Variants in CAMSAP3 observed in about 807,000 individuals in gnomAD.
CAMSAP3 encodes calmodulin regulated spectrin associated protein family member 3, also known as calmodulin-regulated spectrin-associated protein 3.
In CAMSAP3, 34 loss-of-function variants were observed where a neutral mutation model predicts 112.5. That is an observed-to-expected ratio of 0.30 (90% confidence interval 0.23 to 0.40). The LOEUF is 0.40. Among genes scored for constraint, CAMSAP3 ranks in the 10% least tolerant of loss-of-function variants. The pLI is 1.00. For missense variants in CAMSAP3, 1,602 were observed against 1,770.3 expected, an observed-to-expected ratio of 0.90 and a Z score of 1.71; for synonymous variants, 868 against 799.8, an observed-to-expected ratio of 1.09 and a Z score of -1.44.
intron 1 of CAMSAP3, among the ~76,000 whole-genome samples, chr19:7,599,709 C>T (rs2029867486): frequency 2.2e-5 from 2 of 91,942 alleles, no homozygotes; most frequent in African/African-American, 4.4e-5. Flanking sequence ...CACTCATCCA[C>T]CCACACACTC....
Position 7,610,981 on chromosome 19 carries a change from C to T in CAMSAP3, c.1049+50C>T. 6.3e-7 allele frequency: 1 copy of T among 1,576,032 alleles called. No homozygotes were observed. The highest frequency in any genetic ancestry group is 8.7e-7 in the Non-Finnish European group (1 of 1,155,086). On this transcript the variant is annotated intron_variant, in intron 8 of 16. Transcript: ENST00000160298. The surrounding 1 kb of genome is among the most constrained non-coding windows in gnomAD (Gnocchi z 4.9). ...CTCTGGCATTGTGGGTGTGGGGCTC[C>T]ATGTCTGCCTTGCTGAGCACTGGGA...
chr19:7,617,309 T>C lies in CAMSAP3; in HGVS notation c.3213-17T>C. 6.3e-7 allele frequency: 1 copy of C among 1,587,264 alleles called. No individual in the cohort carries two copies. Among genetic ancestry groups the C allele is most frequent in the South Asian group, 1.1e-5 (1 of 90,572 alleles). On this transcript the variant is annotated splice_polypyrimidine_tract_variant and intron_variant, in intron 14 of 16. Transcript: ENST00000160298. The surrounding 1 kb of genome is among the most constrained non-coding windows in gnomAD (Gnocchi z 7.5). ...CCATCCTGACCCCACCTCCATCCCATCCTTCTCCCACTGCAGGGCTCCCTC... is the reference window on the plus strand; with the variant it reads ...CCATCCTGACCCCACCTCCATCCCACCCTTCTCCCACTGCAGGGCTCCCTC...
intron 13 of CAMSAP3, chr19:7,616,309 T>C: frequency 1.9e-6 from 1 of 530,264 alleles, no homozygotes; most frequent in Non-Finnish European, 3.4e-6. Flanking sequence ...GGGTGAGGCG[T>C]TGCCAGTAGG....
intron 14 of CAMSAP3, 127 bp downstream of exon 14, chr19:7,616,749 T>G (rs2030812891): frequency 1.5e-6 from 1 of 679,362 alleles, no homozygotes; most frequent in Admixed American, 2.2e-5. Context: ...CATGAAGAGA[T>G]GGAGGGACGC....
Position 7,607,888 on chromosome 19 carries a change from G to T in CAMSAP3, c.622-238G>T, listed in dbSNP as rs560813675. 124 of 993,648 alleles carry T rather than the reference G, an allele frequency of 1.2e-4. 1 individual carries two copies. The East Asian group carries it at 3.0e-3, about 24-fold the overall frequency. 61.6% of individuals were successfully genotyped at this position (993,648 alleles called of 1,614,324 possible). On this transcript the variant is annotated intron_variant, in intron 4 of 16. Coordinates refer to ENST00000160298, the MANE Select transcript of CAMSAP3 (RefSeq NM_020902.2). The surrounding 1 kb of genome is among the most constrained non-coding windows in gnomAD (Gnocchi z 4.9). ...CCCATGGTAATGTATCCCCCGCCCC[G>T]GGGTCCCAGGAGTCCCTGTCCCCAG...
Position 7,610,403 on chromosome 19 carries a change from C to A in CAMSAP3, c.761-73C>A. ...GAGGTCTTCCGTGTGTGGGGGACTG[C>A]TGGTCCCTGGCTTCCCTGGGGCCCC... On this transcript the variant is annotated intron_variant, in intron 5 of 16. Transcript: ENST00000160298. The surrounding 1 kb of genome is among the most constrained non-coding windows in gnomAD (Gnocchi z 4.9). 7.0e-7 allele frequency: 1 copy of A among 1,423,572 alleles called. No individual in the cohort carries two copies. The highest frequency in any genetic ancestry group is 9.6e-7 in the Non-Finnish European group (1 of 1,041,592). 88.2% of individuals were successfully genotyped at this position (1,423,572 alleles called of 1,614,324 possible).
rs2030873296 is a variant in CAMSAP3, at chr19:7,617,516, A to AC, written c.3326-22dup. Reference sequence around the variant, plus strand: ...CCCCTGCTCATTCCTGCTGCCCCCCACCCCCTCCCACTGCCTCACCCTCTA... The same window carrying AC: ...CCCCTGCTCATTCCTGCTGCCCCCCACCCCCCTCCCACTGCCTCACCCTCTA... On this transcript the variant is annotated intron_variant, in intron 15 of 16. Transcript: ENST00000160298. The surrounding 1 kb of genome is among the most constrained non-coding windows in gnomAD (Gnocchi z 7.5). 2.2e-6 allele frequency: 3 copies of AC among 1,380,718 alleles called. No homozygotes were observed. The highest frequency in any genetic ancestry group is 3.1e-6 in the Non-Finnish European group (3 of 973,432). The allele number at this position is 1,380,718 out of a possible 1,614,324, so 85.5% of individuals were successfully genotyped here.
rs551166939 is a variant in CAMSAP3, at chr19:7,612,143, G to A, written c.1650G>A (p.Ala550=). The part of the protein sequence containing the change: ...PPAPSEGSPK[A]VASSPAATNS... ...CCCCATCCGAGGGGTCCCCGAAGGC[G>A]GTGGCTTCGTCCCCAGCAGCCACCA... Residue 550 remains alanine, a synonymous_variant, in exon 11 of 17, where the codon GCG becomes GCA. Transcript: ENST00000160298. The A allele has an allele frequency of 1.9e-6, 3 of 1,612,474 alleles. No individual in the cohort carries two copies. Among genetic ancestry groups the A allele is most frequent in the South Asian group, 1.1e-5 (1 of 91,042 alleles).
At position 7,606,558 on chromosome 19, in the gene CAMSAP3, C is replaced by T. The variant is rs771077955; in HGVS notation, c.608C>T (p.Pro203Leu). The change falls in exon 4 of 17, where the codon CCG becomes CTG. Residue 203 changes from proline (P) to leucine (L), a missense_variant. Around this residue, in one of 6 missense-constraint regions of CAMSAP3, gnomAD observed 112 missense variants for 94.2 expected, o/e 1.19. Coordinates refer to ENST00000160298, the MANE Select transcript of CAMSAP3 (RefSeq NM_020902.2). ...SPAAPADGAA[P>L]AQPSIRYRKD... Reference sequence around the variant, plus strand: ...GCAGCCCCTGCAGACGGGGCGGCCCCGGCGCAGCCCTCGGTGAGGCCAGGG... The same window carrying T: ...GCAGCCCCTGCAGACGGGGCGGCCCTGGCGCAGCCCTCGGTGAGGCCAGGG... The T allele has an allele frequency of 6.5e-7, 1 of 1,535,818 alleles. No individual in the cohort carries two copies. The highest frequency in any genetic ancestry group is 8.7e-7 in the Non-Finnish European group (1 of 1,147,018).
rs1406007030 is a variant in CAMSAP3, at chr19:7,615,799, AG to A, written c.3112+85del. On this transcript the variant is annotated intron_variant, in intron 13 of 16. Coordinates refer to ENST00000160298, the MANE Select transcript of CAMSAP3 (RefSeq NM_020902.2). This position sits in a 1 kb window ranked among gnomAD's most constrained non-coding sequence, Gnocchi z 6.5. The stretch of plus-strand genomic sequence containing the variant: ...GTGAGGCCCCCATGGGTAAGGGGGG[AG>A]GGGGAGGGAGATGTAAGCAGGGGTG... The A allele has an allele frequency of 1.3e-4, 17 of 126,504 alleles. No individual in the cohort carries two copies. The highest frequency in any genetic ancestry group is 3.7e-4 in the Admixed American group (1 of 2,702). The allele number at this position is 126,504 out of a possible 1,614,324, so 7.8% of individuals were successfully genotyped here.
rs1173068955 is a variant in CAMSAP3, at chr19:7,614,259, C to CAAAAAAAAAAAAAAAA, written c.2671-915_2671-900dup. On this transcript the variant is annotated intron_variant, in intron 11 of 16. Transcript: ENST00000160298. Reference sequence around the variant, plus strand: ...TGGGCAACAGAGCGAGACTCCATCTCAAAAAAAAAAAAAAAAAAAAAAAAG... The same window carrying CAAAAAAAAAAAAAAAA: ...TGGGCAACAGAGCGAGACTCCATCTCAAAAAAAAAAAAAAAAAAAAAAAAAAAAAAAAAAAAAAAAG... 5.5e-3 allele frequency among the ~76,000 whole-genome samples: 104 copies of CAAAAAAAAAAAAAAAA among 18,774 alleles called. 11 individuals are homozygous for CAAAAAAAAAAAAAAAA. The highest frequency in any genetic ancestry group is 7.2e-3 in the Non-Finnish European group (82 of 11,348). The allele number at this position is 18,774 out of a possible 152,430, so 12.3% of individuals were successfully genotyped here.
rs773808921 is a variant in CAMSAP3, at chr19:7,607,910, C to G, written c.622-216C>G. 1.2e-6 allele frequency: 1 copy of G among 829,770 alleles called. No individual in the cohort carries two copies. The highest frequency in any genetic ancestry group is 2.0e-6 in the Non-Finnish European group (1 of 492,486). The allele number at this position is 829,770 out of a possible 1,614,324, so 51.4% of individuals were successfully genotyped here. A position where few individuals can be genotyped will look rare whatever the true frequency, so the allele number is the denominator to read the frequency against. ...CCCGGGGTCCCAGGAGTCCCTGTCC[C>G]CAGCCCCCGCTGCTGGCCTGGCTGC... On this transcript the variant is annotated intron_variant, in intron 4 of 16. Coordinates refer to ENST00000160298, the MANE Select transcript of CAMSAP3 (RefSeq NM_020902.2). This position sits in a 1 kb window ranked among gnomAD's most constrained non-coding sequence, Gnocchi z 4.9.
chr19:7,611,894 C>A lies in CAMSAP3; in HGVS notation c.1401C>A (p.His467Gln), dbSNP rs777584314. Residue 467 changes from histidine (H) to glutamine (Q), a missense_variant, in exon 11 of 17, where the codon CAC becomes CAA. By Grantham distance (24) the His-to-Gln change is conservative. This residue lies in a region of CAMSAP3 where 1,100 missense variants were observed against 1,135.7 expected (regional missense o/e 0.97). Transcript: ENST00000160298. This position sits in a 1 kb window ranked among gnomAD's most constrained non-coding sequence, Gnocchi z 6.9. ...TCGAGGAAGCTCTGCAGATCATCCACAGTGCCGAGCCCCGGCTCCTCCCAG... is the reference window on the plus strand; with the variant it reads ...TCGAGGAAGCTCTGCAGATCATCCAAAGTGCCGAGCCCCGGCTCCTCCCAG... The part of the protein sequence containing the change: ...PTIEEALQII[H>Q]SAEPRLLPDG... 1 of 1,573,112 alleles carries A rather than the reference C, an allele frequency of 6.4e-7. No individual in the cohort carries two copies. The highest frequency in any genetic ancestry group is 2.3e-5 in the East Asian group (1 of 44,358).
Position 7,612,637 on chromosome 19 carries a change from G to T in CAMSAP3, c.2144G>T (p.Arg715Leu), listed in dbSNP as rs1202134383. ...AGTGCCGCCTTGAGCTCGCTGCAGC[G>T]GGACATGCAGAGGCTCACGGACCAG... ...KLSAALSSLQ[R>L]DMQRLTDQQQ... The change falls in exon 11 of 17, where the codon CGG (arginine) becomes CTG (leucine). Residue 715 changes from arginine (R) to leucine (L), a missense_variant. By Grantham distance (102) the Arg-to-Leu change is moderately radical. Coordinates refer to ENST00000160298, the MANE Select transcript of CAMSAP3 (RefSeq NM_020902.2). 1 of 1,520,024 alleles carries T rather than the reference G, an allele frequency of 6.6e-7. No individual in the cohort carries two copies. Among genetic ancestry groups the T allele is most frequent in the Non-Finnish European group, 8.8e-7 (1 of 1,135,354 alleles). 94.2% of individuals were successfully genotyped at this position (1,520,024 alleles called of 1,614,324 possible).
rs2030426837 is a variant in CAMSAP3 at position 7,610,591 on chromosome 19, G to A, written c.876G>A (p.Leu292=). Residue 292 remains leucine (L), a synonymous_variant, in exon 6 of 17, where the codon TTG becomes TTA. Transcript: ENST00000160298. This position sits in a 1 kb window ranked among gnomAD's most constrained non-coding sequence, Gnocchi z 4.9. ...PRGCPLSLED[L]LYVPPPLKVN... is the part of the protein sequence containing the mutation. ...GCTGCCCCCTGTCCCTTGAGGACTT[G>A]CTGTACGTCCCACCGCCACTCAAGG... 6.2e-7 allele frequency: 1 copy of A among 1,613,422 alleles called. No homozygotes were observed.
At position 7,610,009 on chromosome 19, in the gene CAMSAP3, A is replaced by G. The variant is rs968897370; in HGVS notation, c.761-467A>G. Among the ~76,000 whole-genome samples, 5 of 152,216 alleles carry G rather than the reference A, an allele frequency of 3.3e-5. No homozygotes were observed. Among genetic ancestry groups the G allele is most frequent in the Admixed American group, 3.3e-4 (5 of 15,292 alleles). ...CCCGGGGGTTAAGGACCCCCGGCCT[A>G]AGGACGGTCTATCATATAATTCACC... is the stretch of plus-strand genomic sequence containing the variant. On this transcript the variant is annotated intron_variant, in intron 5 of 16. Transcript: ENST00000160298. The surrounding 1 kb of genome is among the most constrained non-coding windows in gnomAD (Gnocchi z 4.9).
chr19:7,612,210 C>T lies in CAMSAP3; in HGVS notation c.1717C>T (p.Gln573Ter). Residue 573 changes from glutamine to a stop codon, truncating the protein, a stop_gained, in exon 11 of 17, where the codon CAG becomes TAG. Transcript: ENST00000160298. LOFTEE classifies it high-confidence loss of function. ...GACCAGCTTTGCAGAACGCAAGAAACAGCTGGTGAAGGCAGAGGCTGAGGC... is the reference window on the plus strand; with the variant it reads ...GACCAGCTTTGCAGAACGCAAGAAATAGCTGGTGAAGGCAGAGGCTGAGGC... Reference protein sequence around the residue: ...KMTSFAERKKQLVKAEAEAGA... With the variant: ...KMTSFAERKK 6.2e-7 allele frequency: 1 copy of T among 1,601,980 alleles called. No individual in the cohort carries two copies. Among genetic ancestry groups the T allele is most frequent in the Non-Finnish European group, 8.5e-7 (1 of 1,174,864 alleles).
rs1238442497 is a variant in CAMSAP3, at chr19:7,610,662, CA to C, written c.901-37del. On this transcript the variant is annotated intron_variant, in intron 6 of 16. Transcript: ENST00000160298. This position sits in a 1 kb window ranked among gnomAD's most constrained non-coding sequence, Gnocchi z 4.9. ...CTGGGCCGAGGCGGGCATCTGGGGC[CA>C]GGGGTCCCGTCTGCTGACCCGGCCT... 6.2e-6 allele frequency: 10 copies of C among 1,613,714 alleles called. No homozygotes were observed. The East Asian group carries it at 2.0e-4, about 32-fold the overall frequency.
At chr19:7,599,027 TG>T (rs1194251347) in intron 1 of CAMSAP3, among the ~76,000 whole-genome samples, 13 of 151,546 alleles carry the variant, frequency 8.6e-5, no homozygotes, top group Non-Finnish European at 1.3e-4. Context: ...AATAAATGGT[TG>T]GGTGTGGTGG....
Sources: allele counts gnomAD v4.1 joint callset (sites outside exome capture counted in the v4.1 genomes callset), GRCh38; gene constraint gnomAD v4.1.1; regional missense constraint gnomAD v4.1.1; non-coding constraint Gnocchi (gnomAD v3.1); transcripts MANE v1.5; gene names NCBI Gene and HGNC (gene_info 2026-07-23, HGNC 2026-07-21).